Variants in ARSB observed in about 807,000 individuals in gnomAD.
ARSB encodes the protein N-acetylgalactosamine-4-sulfatase.
A neutral mutation model predicts 50.9 loss-of-function variants in ARSB; 41 were observed. The observed-to-expected ratio is 0.81, with a 90% CI of 0.63 to 1.04. The LOEUF (loss-of-function observed/expected upper bound fraction) is 1.04. ARSB is among the 50% of genes least tolerant of loss of function. ARSB has a pLI of 0.00. For synonymous variants in ARSB, 269 were observed against 284.8 expected (o/e 0.94, Z 0.56); for missense variants, 672 against 693.3 (o/e 0.97, Z 0.35).
At chr5:78,924,140 T>G (rs137879264) in intron 4 of ARSB, among the ~76,000 whole-genome samples, 1 of 152,206 alleles carries the variant, frequency 6.6e-6, no homozygotes, top group Non-Finnish European at 1.5e-5. Context: ...ATGAAGATAA[T>G]AATAATAGCT....
At chr5:78,868,141 T>C (rs1260626858) in intron 5 of ARSB, among the ~76,000 whole-genome samples, 1 of 141,992 alleles carries the variant, frequency 7.0e-6, no homozygotes, top group African/African-American at 2.7e-5. Flanking sequence ...GAGCAAAGCC[T>C]CCAAGAAATA....
chr5:78,973,818 C>G (rs1170645741), intron 1 of ARSB, among the ~76,000 whole-genome samples: 2 of 152,156 alleles, frequency 1.3e-5, no homozygotes, highest in Non-Finnish European at 2.9e-5. Flanking sequence ...TCCCGTTGAA[C>G]AGAAGGGAGG....
chr5:78,838,337 C>T (rs768974168), intron 6 of ARSB, among the ~76,000 whole-genome samples: 3 of 152,036 alleles, frequency 2.0e-5, no homozygotes, highest in Non-Finnish European at 2.9e-5. Flanking sequence ...CATGACAGTA[C>T]GATGATCTGC....
chr5:78,943,213 A>T (rs1248624514), intron 4 of ARSB, among the ~76,000 whole-genome samples: 2 of 152,098 alleles, frequency 1.3e-5, no homozygotes, highest in African/African-American at 4.8e-5. Flanking sequence ...CAGCATACTG[A>T]TGGGTCTTGA....
At chr5:78,791,522 C>A (rs1316760858) in intron 6 of ARSB, among the ~76,000 whole-genome samples, 3 of 152,198 alleles carry the variant, frequency 2.0e-5, no homozygotes, top group Non-Finnish European at 4.4e-5. Context: ...GACCCAGAGC[C>A]CGTGAGTCCC....
intron 5 of ARSB, among the ~76,000 whole-genome samples, chr5:78,861,564 G>A (rs1229664437): frequency 6.6e-6 from 1 of 152,144 alleles, no homozygotes; most frequent in East Asian, 1.9e-4. Flanking sequence ...ATTCAACAAT[G>A]CTTCATGCTA....
intron 3 of ARSB, among the ~76,000 whole-genome samples, chr5:78,958,816 C>A (rs1482031513): frequency 1.0e-4 from 15 of 147,480 alleles, no homozygotes; most frequent in Admixed American, 1.0e-3. Flanking sequence ...TTGTCCTGTA[C>A]CTAACTCAGA....
intron 3 of ARSB, among the ~76,000 whole-genome samples, chr5:78,956,253 ATCAG>A (rs1488284753): frequency 1.2e-4 from 19 of 152,214 alleles, no homozygotes; most frequent in Non-Finnish European, 2.6e-4. Flanking sequence ...ACTAAGTGAA[ATCAG>A]TCAATCGTAA....
chr5:78,780,683 G>A, intron 7 of ARSB, 21 bp from the exon 8 acceptor site: 1 of 1,613,608 alleles, frequency 6.2e-7, no homozygotes, highest in South Asian at 1.1e-5. Context: ...AAACAAAACA[G>A]TTTACTGAGG....
chr5:78,793,167 C>T (rs1181478071), intron 6 of ARSB, among the ~76,000 whole-genome samples: 1 of 152,226 alleles, frequency 6.6e-6, no homozygotes, highest in East Asian at 1.9e-4. Flanking sequence ...TTATGATGGT[C>T]TTTGCACAGC....
At chr5:78,831,857 T>A (rs1404039646) in intron 6 of ARSB, among the ~76,000 whole-genome samples, 1 of 152,186 alleles carries the variant, frequency 6.6e-6, no homozygotes, top group Non-Finnish European at 1.5e-5. Flanking sequence ...GAAAGATGCC[T>A]CTGTGTCACT....
chr5:78,834,607 GTATATATATATATA>G lies in ARSB; in HGVS notation c.1213+4735_1213+4748del, dbSNP rs58773415. Among the ~76,000 whole-genome samples the G allele has an allele frequency of 8.4e-4, 72 of 85,644 alleles. 1 individual carries two copies. Among genetic ancestry groups the G allele is most frequent in the South Asian group, 2.4e-3 (5 of 2,090 alleles). The allele number at this position is 85,644 out of a possible 152,430, so 56.2% of individuals were successfully genotyped here. A position where few individuals can be genotyped will look rare whatever the true frequency, so the allele number is the denominator to read the frequency against. On this transcript the variant is annotated intron_variant, in intron 6 of 7. Transcript: ENST00000264914. ...ATACTATTTCATGGTATATATATGT[GTATATATATATATA>G]TATATATATATATATATATATATAT...
intron 4 of ARSB, among the ~76,000 whole-genome samples, chr5:78,944,585 G>C (rs1324731725): frequency 1.3e-5 from 2 of 152,216 alleles, no homozygotes; most frequent in Non-Finnish European, 2.9e-5. Context: ...GGAGGCTGCA[G>C]AACAGCGGAT....
chr5:78,940,904 T>G (rs1211469335), intron 4 of ARSB, among the ~76,000 whole-genome samples: 28 of 152,356 alleles, frequency 1.8e-4, no homozygotes, highest in Non-Finnish European at 3.8e-4. Flanking sequence ...TATTGATTCT[T>G]CCTACCCATG....
rs893927906 is a variant in ARSB, at chr5:78,964,586, C to T, written c.520G>A (p.Asp174Asn). Residue 174 changes from aspartate (D) to asparagine (N), a missense_variant, in exon 3 of 8, where the codon GAT (aspartate) becomes AAT (asparagine). By Grantham distance (23) the Asp-to-Asn change is conservative (BLOSUM62 1). Transcript: ENST00000264914. ...GTACAGCGTTCATGGGAATAATAAT[C>T]TTCACTACCCAGGAGATATCCTGCA... ...TYFGYLLGSE[D>N]YYSHERCTLI... 13 of 1,613,524 alleles carry T rather than the reference C, an allele frequency of 8.1e-6. No homozygotes were observed. The highest frequency in any genetic ancestry group is 1.1e-5 in the Non-Finnish European group (13 of 1,179,914).
chr5:78,834,603 A>ATGTG (rs1346286608), intron 6 of ARSB, among the ~76,000 whole-genome samples: 6,964 of 83,314 alleles, frequency 0.084, 398 homozygotes, highest in Non-Finnish European at 0.11. Context: ...TGGTATATAT[A>ATGTG]TGTGTATATA....
intron 5 of ARSB, among the ~76,000 whole-genome samples, chr5:78,856,744 T>C (rs1561463193): frequency 6.6e-6 from 1 of 152,220 alleles, no homozygotes; most frequent in South Asian, 2.1e-4. Context: ...CATATATGCA[T>C]GTATTCATTT....
At chr5:78,950,418 G>A (rs1009352101) in intron 4 of ARSB, among the ~76,000 whole-genome samples, 1 of 152,144 alleles carries the variant, frequency 6.6e-6, no homozygotes, top group East Asian at 1.9e-4. Context: ...AGCCTGAGAA[G>A]GGATGGCACT....
At chr5:78,965,443 A>G in intron 2 of ARSB, among the ~76,000 whole-genome samples, 1 of 152,178 alleles carries the variant, frequency 6.6e-6, no homozygotes, top group Non-Finnish European at 1.5e-5. Flanking sequence ...AAAATAGATT[A>G]GTGGCTGCCT....
Sources: allele counts gnomAD v4.1 joint callset (sites outside exome capture counted in the v4.1 genomes callset), GRCh38; gene constraint gnomAD v4.1.1; transcripts MANE v1.5; gene names NCBI Gene and HGNC (gene_info 2026-07-23, HGNC 2026-07-21).